The following KDR variants were observed in gnomAD, a reference collection of about 807,000 sequenced individuals.
KDR encodes vascular endothelial growth factor receptor 2.
Under a neutral mutation model 160.9 loss-of-function variants are expected in KDR, and 43 were observed. The observed-to-expected ratio is 0.27, with a 90% CI of 0.21 to 0.34. The LOEUF is 0.34. KDR is among the 10% of genes least tolerant of loss of function. The probability of loss-of-function intolerance (pLI) is 1.00; values close to 1 mark genes in which losing one functional copy is unlikely to be tolerated. For missense variants in KDR, 1,469 were observed against 1,666.4 expected (o/e 0.88, Z 2.06); for synonymous variants, 617 against 600.1 (o/e 1.03, Z -0.41).
In KDR at chr4:55,081,956, C is replaced by G. The variant is rs1490930990; in HGVS notation, c.3848G>C (p.Gly1283Ala). 2 of 1,606,264 alleles carry G rather than the reference C, an allele frequency of 1.2e-6. No homozygotes were observed. Among genetic ancestry groups the G allele is most frequent in the Admixed American group, 3.3e-5 (2 of 59,982 alleles). ...TCTTTTTAATATGGCTGAGTCTTAC[C>G]CAAAAGATGGAGATAATTTGGTTCT... Reference protein sequence around the residue: ...EDRTKLSPSFGGMVPSKSRES... With the variant: ...EDRTKLSPSFAGMVPSKSRES... The change falls in exon 29 of 30, where the codon GGT becomes GCT. Residue 1283 changes from glycine to alanine, a missense_variant and splice_region_variant. By Grantham distance (60) the Gly-to-Ala change is moderately conservative (BLOSUM62 0). Around this residue, in one of 7 missense-constraint regions of KDR, gnomAD observed 229 missense variants for 197.8 expected, o/e 1.16. Coordinates refer to ENST00000263923, the MANE Select transcript of KDR (RefSeq NM_002253.4).
rs774314168 is a variant in KDR, at chr4:55,110,669, G to T, written c.1076C>A (p.Pro359His). Reference sequence around the variant, plus strand: ...CAGTAGTTACCATTTTATTTCTGGGGGTGGGTAACCAAGGTACTTCGCAGG... The same window carrying T: ...CAGTAGTTACCATTTTATTTCTGGGTGTGGGTAACCAAGGTACTTCGCAGG... ...RIPAKYLGYP[P>H]PEIKWYKNGI... The change falls in exon 8 of 30, where the codon CCC becomes CAC. Residue 359 changes from proline to histidine, a missense_variant. This residue lies in a region of KDR where 792 missense variants were observed against 840.9 expected (regional missense o/e 0.94). Transcript: ENST00000263923. 6 of 1,613,694 alleles carry T rather than the reference G, an allele frequency of 3.7e-6. No homozygotes were observed. Among genetic ancestry groups the T allele is most frequent in the Middle Eastern group, 1.7e-4 (1 of 6,058 alleles).
chr4:55,104,579 G>T, intron 13 of KDR, 64 bp downstream of exon 13: 2 of 1,251,008 alleles, frequency 1.6e-6, no homozygotes, highest in Non-Finnish European at 2.3e-6. Flanking sequence ...CATAGCACCT[G>T]AATTGCACTA....
intron 2 of KDR, 99 bp downstream of exon 2, chr4:55,120,998 A>T: frequency 1.3e-6 from 1 of 794,494 alleles, no homozygotes; most frequent in Non-Finnish European, 2.1e-6. Context: ...AACAATTACT[A>T]CAAGCTCTAT....
At chr4:55,090,337 C>A (rs1167352243) in intron 22 of KDR, among the ~76,000 whole-genome samples, 1 of 152,192 alleles carries the variant, frequency 6.6e-6, no homozygotes, top group Admixed American at 6.5e-5. Flanking sequence ...CATAAATAGG[C>A]TCCTCTAGGA....
chr4:55,084,537 A>G (rs1719811656), intron 27 of KDR, among the ~76,000 whole-genome samples: 1 of 152,174 alleles, frequency 6.6e-6, no homozygotes. Flanking sequence ...ATTTTCACAG[A>G]CAATGGTGCA....
chr4:55,097,437 C>A (rs577733101), intron 18 of KDR, among the ~76,000 whole-genome samples: 41 of 152,262 alleles, frequency 2.7e-4, no homozygotes, highest in African/African-American at 9.4e-4. Context: ...GGTAACCAGG[C>A]AAGAAGGTGA....
chr4:55,093,253 C>A (rs1469247762), intron 21 of KDR, among the ~76,000 whole-genome samples: 1 of 152,146 alleles, frequency 6.6e-6, no homozygotes, highest in East Asian at 1.9e-4. Flanking sequence ...TTAAATCTGG[C>A]CTGGGAGGGT....
In KDR at chr4:55,125,586, G is replaced by C; in HGVS notation, c.-293C>G. On this transcript the variant is annotated 5_prime_UTR_variant, in exon 1 of 30. Transcript: ENST00000263923. ...ACATTGACCGCTCTCCCGGGGTCCCGGGACTCAGTGCAGGGTGGGAGCTGG... is the reference window on the plus strand; with the variant it reads ...ACATTGACCGCTCTCCCGGGGTCCCCGGACTCAGTGCAGGGTGGGAGCTGG... 1.7e-6 allele frequency: 1 copy of C among 571,902 alleles called. No homozygotes were observed. The highest frequency in any genetic ancestry group is 3.1e-6 in the Non-Finnish European group (1 of 317,568). 35.4% of individuals were successfully genotyped at this position (571,902 alleles called of 1,614,324 possible).
At chr4:55,111,041 C>G (rs1214159009) in intron 7 of KDR, among the ~76,000 whole-genome samples, 1 of 152,144 alleles carries the variant, frequency 6.6e-6, no homozygotes, top group Non-Finnish European at 1.5e-5. Context: ...AACACTTGCT[C>G]CTCTGTGCAG....
Position 55,087,741 on chromosome 4 carries a change from A to G in KDR, c.3528T>C (p.Ile1176=), listed in dbSNP as rs932400268. ...TCAAAGTCTCTGATATCGGAAGAAC[A>G]ATGTAGTCTTTGCCATCCTGAAACA... ...ANAQQDGKDY[I]VLPISETLSM... Residue 1176 remains isoleucine, a synonymous_variant, in exon 27 of 30, where the codon ATT becomes ATC. Transcript: ENST00000263923. 4 of 1,614,198 alleles carry G rather than the reference A, an allele frequency of 2.5e-6. No homozygotes were observed. Among genetic ancestry groups the G allele is most frequent in the Non-Finnish European group, 3.4e-6 (4 of 1,180,014 alleles).
chr4:55,123,340 C>G (rs1720943914), intron 1 of KDR, among the ~76,000 whole-genome samples: 1 of 152,124 alleles, frequency 6.6e-6, no homozygotes. Flanking sequence ...AAACAAATGG[C>G]AGTAAAAATG....
intron 15 of KDR, among the ~76,000 whole-genome samples, chr4:55,100,807 A>G (rs960815879): frequency 6.6e-6 from 1 of 152,128 alleles, no homozygotes; most frequent in Non-Finnish European, 1.5e-5. Context: ...GTTCATAGAA[A>G]TCCATCGATC....
At chr4:55,111,152 C>T (rs1353988481) in intron 7 of KDR, among the ~76,000 whole-genome samples, 1 of 152,202 alleles carries the variant, frequency 6.6e-6, no homozygotes, top group Non-Finnish European at 1.5e-5. Context: ...GGACTCAGTC[C>T]TCAGACCTCC....
rs1720480624 is a variant in KDR at position 55,107,772 on chromosome 4, A to G, written c.1377T>C (p.Tyr459=). The change falls in exon 10 of 30, where the codon TAT becomes TAC. Residue 459 remains tyrosine (Y), a synonymous_variant. Transcript: ENST00000263923. ...AIPPPHHIHW[Y]WQLEEECANE... is the part of the protein sequence containing the mutation. ...TGGCGCACTCTTCCTCCAACTGCCA[A>G]TACCAGTGGATGTGATGCGGGGGAG... is the stretch of plus-strand genomic sequence containing the variant. 6.2e-7 allele frequency: 1 copy of G among 1,614,012 alleles called. No individual in the cohort carries two copies. The highest frequency in any genetic ancestry group is 8.5e-7 in the Non-Finnish European group (1 of 1,179,912).
chr4:55,107,556 T>G (rs1017416255), intron 10 of KDR, among the ~76,000 whole-genome samples, 181 bp downstream of exon 10: 4 of 152,086 alleles, frequency 2.6e-5, no homozygotes, highest in African/African-American at 9.7e-5. Flanking sequence ...AGGAGGATAC[T>G]CCAAGCAAAG....
chr4:55,113,391 C>T lies in KDR; in HGVS notation c.889G>A (p.Val297Ile), dbSNP rs2305948. ...KFLSTLTIDG[V>I]TRSDQGLYTC... Reference sequence around the variant, plus strand: ...TACAATCCTTGGTCACTCCGGGTTACACCATCTATAGTTAAGGTGCTCAAA... The same window carrying T: ...TACAATCCTTGGTCACTCCGGGTTATACCATCTATAGTTAAGGTGCTCAAA... Residue 297 changes from valine to isoleucine, a missense_variant, in exon 7 of 30, where the codon GTA becomes ATA. Physicochemically the swap from Val to Ile is conservative, Grantham distance 29. Transcript: ENST00000263923. 169,367 of 1,613,886 alleles carry T rather than the reference C, an allele frequency of 0.1. 9,959 individuals carry two copies. Among genetic ancestry groups the T allele is most frequent in the African/African-American group, 0.24 (17,931 of 74,950 alleles).
intron 10 of KDR, 103 bp downstream of exon 10, chr4:55,107,632 ACT>A: frequency 1.4e-6 from 2 of 1,443,214 alleles, no homozygotes; most frequent in East Asian, 2.3e-5. Context: ...TTGAGAGAAA[ACT>A]TTTTTTGGTT....
Position 55,088,858 on chromosome 4 carries a change from G to A in KDR, c.3510+10C>T, listed in dbSNP as rs2110010059. On this transcript the variant is annotated intron_variant, in intron 26 of 29. Coordinates refer to ENST00000263923, the MANE Select transcript of KDR (RefSeq NM_002253.4). ...TCTTTGTAGGTGCTTCTTGGATGGA[G>A]GTGACAAACCTGCTGAGCATTAGCT... is the stretch of plus-strand genomic sequence containing the variant. 1.3e-6 allele frequency: 2 copies of A among 1,596,316 alleles called. No individual in the cohort carries two copies. The highest frequency in any genetic ancestry group is 1.3e-5 in the African/African-American group (1 of 74,694).
intron 27 of KDR, among the ~76,000 whole-genome samples, chr4:55,085,265 T>G (rs9997422): frequency 0.019 from 2,943 of 152,266 alleles, 100 homozygotes; most frequent in African/African-American, 0.068. Context: ...AGTCTAGACA[T>G]GAGTGGTCCC....
Sources: allele counts gnomAD v4.1 joint callset (sites outside exome capture counted in the v4.1 genomes callset), GRCh38; gene constraint gnomAD v4.1.1; regional missense constraint gnomAD v4.1.1; transcripts MANE v1.5; gene names NCBI Gene and HGNC (gene_info 2026-07-23, HGNC 2026-07-21).